Variants in PELI2 observed in about 807,000 individuals in gnomAD.
PELI2 encodes the protein pellino E3 ubiquitin protein ligase family member 2, also known as E3 ubiquitin-protein ligase pellino homolog 2.
Under a neutral mutation model 42.3 loss-of-function variants are expected in PELI2, and 23 were observed. The observed-to-expected ratio is 0.54, with a 90% CI of 0.39 to 0.77. The LOEUF (loss-of-function observed/expected upper bound fraction) is 0.77. Ranked by LOEUF, PELI2 falls within the 30% of genes least tolerant of loss-of-function variation. The pLI is 0.00. For missense variants in PELI2, 463 were observed against 553.2 expected (o/e 0.84, Z 1.64); for synonymous variants, 245 against 212.2 (o/e 1.15, Z -1.34).
At chr14:56,270,218 T>C (rs761627921) in intron 2 of PELI2, among the ~76,000 whole-genome samples, 7 of 152,258 alleles carry the variant, frequency 4.6e-5, no homozygotes, top group Non-Finnish European at 1.0e-4. Context: ...TTTGATTTAC[T>C]AGAAAATGCT....
chr14:56,258,396 C>G (rs1197863949), intron 2 of PELI2, among the ~76,000 whole-genome samples: 1 of 151,510 alleles, frequency 6.6e-6, no homozygotes, highest in Admixed American at 6.6e-5. Context: ...GAAAATAAAT[C>G]AATAGAAACA....
At chr14:56,220,803 G>A (rs1432474263) in intron 2 of PELI2, among the ~76,000 whole-genome samples, 6 of 152,082 alleles carry the variant, frequency 3.9e-5, no homozygotes, top group South Asian at 2.1e-4. Context: ...GTAGGAAGGA[G>A]GAAATGCCGC....
intron 1 of PELI2, among the ~76,000 whole-genome samples, chr14:56,151,497 C>CTG (rs1884352711): frequency 2.6e-5 from 4 of 152,122 alleles, no homozygotes; most frequent in Admixed American, 6.5e-5. Context: ...CATTGTGTGA[C>CTG]CTTAATAATA....
chr14:56,148,043 G>A (rs1884197457), intron 1 of PELI2, among the ~76,000 whole-genome samples: 3 of 152,190 alleles, frequency 2.0e-5, no homozygotes, highest in South Asian at 2.1e-4. Flanking sequence ...GCACCAGATC[G>A]TTATCTTTCC....
intron 2 of PELI2, among the ~76,000 whole-genome samples, chr14:56,264,479 A>G (rs976748681): frequency 6.6e-6 from 1 of 152,204 alleles, no homozygotes; most frequent in Non-Finnish European, 1.5e-5. Flanking sequence ...AGAAAGTGCT[A>G]CAGTAATATG....
At chr14:56,150,836 G>A (rs965334735) in intron 1 of PELI2, among the ~76,000 whole-genome samples, 8 of 152,154 alleles carry the variant, frequency 5.3e-5, no homozygotes, top group Non-Finnish European at 8.8e-5. Flanking sequence ...AGCTGGTCGG[G>A]CAACCCTTTG....
intron 2 of PELI2, among the ~76,000 whole-genome samples, chr14:56,182,777 A>C (rs1328692313): frequency 2.0e-5 from 3 of 152,178 alleles, no homozygotes; most frequent in Non-Finnish European, 4.4e-5. Flanking sequence ...TGAATAATAC[A>C]ACAGTAACCG....
In PELI2 at chr14:56,296,887, G is replaced by T; in HGVS notation, c.984G>T (p.Thr328=). ...ACAACTGGGGCCATCGGAGTGACAC[G>T]GAGGCCAACGAGAGGGAGTGTCCCA... The part of the protein sequence containing the change: ...GYHNWGHRSD[T]EANERECPMC... Residue 328 remains threonine (T), a synonymous_variant, in exon 6 of 6, where the codon ACG becomes ACT. Transcript: ENST00000267460. 6.2e-7 allele frequency: 1 copy of T among 1,614,154 alleles called. No homozygotes were observed. Among genetic ancestry groups the T allele is most frequent in the Non-Finnish European group, 8.5e-7 (1 of 1,180,030 alleles).
intron 1 of PELI2, among the ~76,000 whole-genome samples, chr14:56,147,434 A>G (rs931158952): frequency 1.3e-5 from 2 of 152,212 alleles, no homozygotes; most frequent in Non-Finnish European, 2.9e-5. Flanking sequence ...GCACATGTAC[A>G]TGGGGAAGAG....
chr14:56,286,981 A>G (rs1889666887), intron 3 of PELI2, among the ~76,000 whole-genome samples: 1 of 152,240 alleles, frequency 6.6e-6, no homozygotes, highest in African/African-American at 2.4e-5. Context: ...TCATCAAGAC[A>G]TTAATTTAAT....
intron 2 of PELI2, among the ~76,000 whole-genome samples, chr14:56,271,616 G>T (rs2139856233): frequency 6.6e-6 from 1 of 152,266 alleles, no homozygotes; most frequent in Middle Eastern, 3.4e-3. Context: ...CATCTGCAGG[G>T]GAGCCGATAC....
intron 1 of PELI2, among the ~76,000 whole-genome samples, chr14:56,161,252 A>C (rs1022583143): frequency 6.6e-6 from 1 of 150,468 alleles, no homozygotes; most frequent in Non-Finnish European, 1.5e-5. Flanking sequence ...GTGCTTTCTA[A>C]GTCCTTTTTA....
At chr14:56,269,644 A>T (rs1300425063) in intron 2 of PELI2, among the ~76,000 whole-genome samples, 1 of 152,216 alleles carries the variant, frequency 6.6e-6, no homozygotes, top group East Asian at 1.9e-4. Context: ...TACAGGTGAC[A>T]AAACTGAGGC....
intron 2 of PELI2, among the ~76,000 whole-genome samples, chr14:56,264,359 A>G (rs1888825470): frequency 6.6e-6 from 1 of 152,172 alleles, no homozygotes; most frequent in African/African-American, 2.4e-5. Flanking sequence ...TTAGATTATC[A>G]TTGTTCAGTT....
intron 3 of PELI2, among the ~76,000 whole-genome samples, chr14:56,281,883 T>C (rs1889493350): frequency 6.6e-6 from 1 of 152,170 alleles, no homozygotes. Flanking sequence ...ACTTGTCAGA[T>C]TGGCAGAAAT....
At chr14:56,158,501 C>G (rs1884646644) in intron 1 of PELI2, among the ~76,000 whole-genome samples, 1 of 152,080 alleles carries the variant, frequency 6.6e-6, no homozygotes, top group Non-Finnish European at 1.5e-5. Context: ...GCCACCACAC[C>G]TGGCTAATTT....
intron 2 of PELI2, among the ~76,000 whole-genome samples, chr14:56,182,619 G>A (rs911759920): frequency 1.3e-5 from 2 of 151,964 alleles, no homozygotes; most frequent in South Asian, 2.1e-4. Flanking sequence ...GCCTATTTCC[G>A]AATGGAAAAT....
chr14:56,174,791 CACAGGTAGTTCTTT>C (rs1190645813), intron 1 of PELI2, among the ~76,000 whole-genome samples: 3 of 152,144 alleles, frequency 2.0e-5, no homozygotes, highest in Non-Finnish European at 4.4e-5. Context: ...CTCTTTTCTT[CACAGGTAGTTCTTT>C]ACAGCAGTGT....
At chr14:56,259,038 C>T (rs1439719808) in intron 2 of PELI2, among the ~76,000 whole-genome samples, 2 of 151,868 alleles carry the variant, frequency 1.3e-5, no homozygotes, top group African/African-American at 4.8e-5. Flanking sequence ...GTCAGAAGAC[C>T]ATGGACCAAC....
Sources: gnomAD v4.1 joint callset for allele counts (sites outside exome capture counted in the v4.1 genomes callset) on GRCh38, gnomAD v4.1.1 for gene constraint, MANE v1.5 for transcripts, NCBI Gene and HGNC (gene_info 2026-07-23, HGNC 2026-07-21) for gene names.